MEGF11: variants seen among roughly 807,000 people sequenced by gnomAD.
MEGF11 encodes the protein multiple EGF like domains 11, also known as multiple epidermal growth factor-like domains protein 11.
Under a neutral mutation model 146.6 loss-of-function variants are expected in MEGF11, and 126 were observed. That is an observed-to-expected ratio of 0.86 (90% CI 0.74 to 1.00). The LOEUF (loss-of-function observed/expected upper bound fraction) is 1.00. Among genes scored for constraint, MEGF11 ranks in the 50% least tolerant of loss-of-function variants. The pLI, the probability that MEGF11 is intolerant of heterozygous loss-of-function variation, is 0.00. For synonymous variants in MEGF11, 532 were observed against 583.4 expected (o/e 0.91, Z 1.27); for missense variants, 1,509 against 1,521.2 (o/e 0.99, Z 0.13).
chr15:66,137,124 T>A (rs2088921298), intron 1 of MEGF11, among the ~76,000 whole-genome samples: 2 of 152,186 alleles, frequency 1.3e-5, no homozygotes, highest in African/African-American at 4.8e-5. Flanking sequence ...CATGTCTATA[T>A]AACAAACTAT....
chr15:66,039,237 G>T (rs1046684611), intron 5 of MEGF11, among the ~76,000 whole-genome samples: 2 of 152,160 alleles, frequency 1.3e-5, no homozygotes, highest in African/African-American at 4.8e-5. Flanking sequence ...ATTCCACAGC[G>T]AAGAGGTCAG....
At chr15:66,089,826 GA>G (rs1421497195) in intron 5 of MEGF11, among the ~76,000 whole-genome samples, 1 of 152,110 alleles carries the variant, frequency 6.6e-6, no homozygotes, top group African/African-American at 2.4e-5. Context: ...TTCAATATAG[GA>G]AAACTTTCTT....
intron 23 of MEGF11, 32 bp downstream of exon 23, chr15:65,909,002 T>C: frequency 7.2e-7 from 1 of 1,394,004 alleles, no homozygotes; most frequent in Non-Finnish European, 9.8e-7. Context: ...TGGTCTGGCA[T>C]GAGGGGGTGG....
intron 5 of MEGF11, among the ~76,000 whole-genome samples, chr15:65,991,337 T>G (rs1193142291): frequency 1.3e-5 from 2 of 152,184 alleles, no homozygotes; most frequent in Admixed American, 6.5e-5. Flanking sequence ...ATTCATACCC[T>G]GCCTCATTCC....
chr15:65,930,087 G>A (rs553397406), intron 11 of MEGF11, among the ~76,000 whole-genome samples: 2 of 152,314 alleles, frequency 1.3e-5, no homozygotes, highest in African/African-American at 4.8e-5. Flanking sequence ...TCCTGCCTCC[G>A]GGTGCTCATT....
rs565308061 is a variant in MEGF11 at position 65,957,773 on chromosome 15, T to C, written c.1113-52A>G. The C allele has an allele frequency of 1.9e-5, 30 of 1,581,864 alleles. No individual in the cohort carries two copies. In the East Asian group the frequency reaches 5.4e-4, roughly 28 times the overall value. Reference sequence around the variant, plus strand: ...GACAGCTTGTTCTGGGAAGCAGCCATGTCCCCGCCCTCTGTCTACCCCAAG... The same window carrying C: ...GACAGCTTGTTCTGGGAAGCAGCCACGTCCCCGCCCTCTGTCTACCCCAAG... On this transcript the variant is annotated intron_variant, in intron 9 of 25. Transcript: ENST00000395614.
intron 3 of MEGF11, among the ~76,000 whole-genome samples, chr15:66,121,527 T>G (rs538402536): frequency 2.6e-5 from 4 of 152,250 alleles, no homozygotes; most frequent in Admixed American, 2.0e-4. Context: ...TGGAGGCAAG[T>G]GGACATTTAA....
chr15:66,190,071 C>T (rs1448561492), intron 1 of MEGF11, among the ~76,000 whole-genome samples: 1 of 152,156 alleles, frequency 6.6e-6, no homozygotes, highest in African/African-American at 2.4e-5. Flanking sequence ...GCTTTCAGAA[C>T]TCCTGAAGCT....
intron 5 of MEGF11, among the ~76,000 whole-genome samples, chr15:66,048,382 C>T (rs1368188775): frequency 2.0e-5 from 3 of 152,262 alleles, no homozygotes; most frequent in African/African-American, 7.2e-5. Flanking sequence ...ACCCCGCAGG[C>T]ACCCTTCTCT....
At chr15:66,097,660 A>T (rs1397006668) in intron 4 of MEGF11, among the ~76,000 whole-genome samples, 2 of 151,222 alleles carry the variant, frequency 1.3e-5, no homozygotes, top group African/African-American at 4.9e-5. Flanking sequence ...ACCAAGAAAT[A>T]TGAACTGCAC....
At chr15:65,949,690 G>A (rs924434329) in intron 10 of MEGF11, among the ~76,000 whole-genome samples, 4 of 152,224 alleles carry the variant, frequency 2.6e-5, no homozygotes, top group Admixed American at 6.5e-5. Context: ...AGACACGCAG[G>A]ACCCATGCGG....
chr15:66,084,764 T>G (rs6494548), intron 5 of MEGF11, among the ~76,000 whole-genome samples: 114,493 of 151,974 alleles, frequency 0.75, 43,662 homozygotes, highest in Admixed American at 0.82. Context: ...TAGCAGAAAT[T>G]TGTAACAACT....
Position 66,245,680 on chromosome 15 carries a change from T to C in MEGF11, c.-9+7925A>G, listed in dbSNP as rs58469275. ...CAGTGTGATATGAAGGGGAAAGAGA[T>C]GAGAGGCTGGAAAATGGCTCCCAGA... On this transcript the variant is annotated intron_variant, in intron 1 of 25. Transcript: ENST00000395614. 4.5e-3 allele frequency among the ~76,000 whole-genome samples: 686 copies of C among 152,086 alleles called. 25 individuals carry two copies. The East Asian group carries it at 0.092, about 20-fold the overall frequency.
intron 10 of MEGF11, among the ~76,000 whole-genome samples, chr15:65,940,781 C>A (rs1359270055): frequency 6.6e-6 from 1 of 152,190 alleles, no homozygotes; most frequent in Non-Finnish European, 1.5e-5. Flanking sequence ...GGCTCCCATG[C>A]AGGTGGGAGG....
intron 4 of MEGF11, among the ~76,000 whole-genome samples, chr15:66,095,715 C>A (rs1216183722): frequency 2.6e-5 from 4 of 152,196 alleles, no homozygotes; most frequent in African/African-American, 7.2e-5. Flanking sequence ...ATTTCACATG[C>A]CCCACTGGTC....
chr15:66,129,449 G>A (rs1248814559), intron 1 of MEGF11, among the ~76,000 whole-genome samples: 4 of 152,204 alleles, frequency 2.6e-5, no homozygotes, highest in Admixed American at 6.5e-5. Flanking sequence ...AGATGCTATC[G>A]TGATTTATTT....
chr15:65,945,052 T>A (rs1291313314), intron 10 of MEGF11, among the ~76,000 whole-genome samples: 1 of 152,050 alleles, frequency 6.6e-6, no homozygotes, highest in Non-Finnish European at 1.5e-5. Flanking sequence ...GCGCACACCA[T>A]GCCTGGCTAA....
At chr15:66,246,604 A>T (rs1319415319) in intron 1 of MEGF11, among the ~76,000 whole-genome samples, 5 of 152,014 alleles carry the variant, frequency 3.3e-5, no homozygotes, top group Non-Finnish European at 7.4e-5. Context: ...GGAGTTCAGG[A>T]CACTAGCCTG....
chr15:66,033,372 T>C (rs1012489540), intron 5 of MEGF11, among the ~76,000 whole-genome samples: 2 of 152,204 alleles, frequency 1.3e-5, no homozygotes, highest in African/African-American at 2.4e-5. Context: ...ACAGGCTCCA[T>C]GCCCAGAGCC....
Sources: gnomAD v4.1 joint callset for allele counts (sites outside exome capture counted in the v4.1 genomes callset) on GRCh38, gnomAD v4.1.1 for gene constraint, MANE v1.5 for transcripts, NCBI Gene and HGNC (gene_info 2026-07-23, HGNC 2026-07-21) for gene names.